Variants in SLC36A1 observed in about 807,000 individuals in gnomAD.
SLC36A1 encodes proton-coupled amino acid transporter 1.
In SLC36A1, 30 loss-of-function variants were observed where a neutral mutation model predicts 47.5. That is an observed-to-expected ratio of 0.63 (90% CI 0.47 to 0.86). The LOEUF (loss-of-function observed/expected upper bound fraction) is 0.86, where lower values mean the gene tolerates loss of function less well. Ranked by LOEUF, SLC36A1 falls within the 40% of genes least tolerant of loss-of-function variation. The pLI is 0.00. For synonymous variants in SLC36A1, 255 were observed against 249.7 expected (o/e 1.02, Z -0.20); for missense variants, 517 against 606.0 (o/e 0.85, Z 1.54).
chr5:151,542,243 C>T, the SLC36A1 span: 4 of 1,520,664 alleles, frequency 2.6e-6, no homozygotes, highest in Admixed American at 2.1e-5. Context: ...GGATGTTTTT[C>T]GATACATTCC....
the SLC36A1 span, among the ~76,000 whole-genome samples, chr5:151,548,948 C>T: frequency 3.3e-5 from 5 of 152,186 alleles, no homozygotes; most frequent in Non-Finnish European, 7.3e-5. Context: ...CTATGCCATA[C>T]ACTTCATAAA....
chr5:151,537,860 G>A, the SLC36A1 span: 14 of 1,614,048 alleles, frequency 8.7e-6, no homozygotes, highest in Non-Finnish European at 1.2e-5. Flanking sequence ...TCTGAGCATT[G>A]GTATCAGTGT....
chr5:151,376,464 G>A, the SLC36A1 span, among the ~76,000 whole-genome samples: 4 of 151,818 alleles, frequency 2.6e-5, no homozygotes, highest in African/African-American at 7.2e-5. Context: ...GTTAGCTTTG[G>A]GTTGGGTTTG....
At chr5:151,537,454 GGAGGGAAGGA>G in the SLC36A1 span, among the ~76,000 whole-genome samples, 1 of 147,238 alleles carries the variant, frequency 6.8e-6, no homozygotes, top group African/African-American at 2.5e-5. Flanking sequence ...GGAGGGGAGG[GGAGGGAAGGA>G]AAGGAGAAAC....
chr5:151,420,891 G>A, the SLC36A1 span, among the ~76,000 whole-genome samples: 1 of 95,848 alleles, frequency 1.0e-5, no homozygotes, highest in Admixed American at 1.0e-4. Context: ...TTTTTTTTTT[G>A]ACAGAGTCTC....
the SLC36A1 span, among the ~76,000 whole-genome samples, chr5:151,374,929 G>A: frequency 7.0e-6 from 1 of 142,240 alleles, no homozygotes; most frequent in African/African-American, 2.6e-5. Flanking sequence ...TTTTTGAGTT[G>A]TTTCAATTCC....
the SLC36A1 span, among the ~76,000 whole-genome samples, chr5:151,412,337 A>T: frequency 8.3e-5 from 12 of 144,724 alleles, 1 homozygote; most frequent in Admixed American, 2.7e-4. Context: ...TTATGCAGAA[A>T]TTTTCTGTGT....
chr5:151,402,948 A>C, the SLC36A1 span, among the ~76,000 whole-genome samples: 1 of 152,132 alleles, frequency 6.6e-6, no homozygotes, highest in Non-Finnish European at 1.5e-5. Flanking sequence ...ATCCTTTCAA[A>C]AAATCAACTT....
the SLC36A1 span, among the ~76,000 whole-genome samples, chr5:151,515,628 T>C: frequency 1.3e-5 from 2 of 152,220 alleles, no homozygotes; most frequent in Non-Finnish European, 2.9e-5. Context: ...ACTACTTGCC[T>C]TCTCTCCCAC....
At chr5:151,546,220 C>T in the SLC36A1 span, 2 of 1,614,112 alleles carry the variant, frequency 1.2e-6, no homozygotes, top group South Asian at 1.1e-5. Context: ...TTGTGGGGAG[C>T]CTTGATCTTC....
chr5:151,516,792 T>C, the SLC36A1 span, among the ~76,000 whole-genome samples: 1 of 152,150 alleles, frequency 6.6e-6, no homozygotes, highest in African/African-American at 2.4e-5. Context: ...GTGGCCAAAG[T>C]TGGCTTTCTC....
At chr5:151,525,807 T>C in the SLC36A1 span, 1 of 1,614,132 alleles carries the variant, frequency 6.2e-7, no homozygotes, top group Non-Finnish European at 8.5e-7. Flanking sequence ...CCCTCCTGCT[T>C]AGGCCCTCAG....
the SLC36A1 span, among the ~76,000 whole-genome samples, chr5:151,508,362 C>T: frequency 1.8e-4 from 28 of 152,198 alleles, no homozygotes; most frequent in Non-Finnish European, 3.2e-4. Flanking sequence ...ATCTCGTGAA[C>T]GAATAGCATT....
intron 10 of SLC36A1, among the ~76,000 whole-genome samples, chr5:151,485,751 G>A (rs894844085): frequency 6.6e-6 from 1 of 152,334 alleles, no homozygotes; most frequent in Middle Eastern, 3.4e-3. Flanking sequence ...TGAGTGCTTA[G>A]CAGTGCTCTC....
At chr5:151,436,937 G>C (rs952401977), upstream of SLC36A1, 3 of 152,042 alleles carry the variant, frequency 2.0e-5, no homozygotes, top group African/African-American at 7.3e-5. Flanking sequence ...TTTTTCAGTG[G>C]CAATGGGTGG....
chr5:151,499,650 T>G, the SLC36A1 span, among the ~76,000 whole-genome samples: 1 of 152,206 alleles, frequency 6.6e-6, no homozygotes, highest in South Asian at 2.1e-4. Flanking sequence ...AGATCCCATG[T>G]GCCTCCCTCC....
the SLC36A1 span, chr5:151,554,741 C>G: frequency 2.4e-5 from 29 of 1,199,408 alleles, no homozygotes; most frequent in Non-Finnish European, 3.5e-5. Context: ...CTTTAACAAC[C>G]TGGAAATAGT....
chr5:151,508,244 G>A, the SLC36A1 span, among the ~76,000 whole-genome samples: 3 of 152,322 alleles, frequency 2.0e-5, no homozygotes, highest in African/African-American at 4.8e-5. Flanking sequence ...CTCAGTGCCC[G>A]AAATGTCACT....
chr5:151,537,269 G>C, the SLC36A1 span, among the ~76,000 whole-genome samples: 4 of 149,682 alleles, frequency 2.7e-5, no homozygotes, highest in Admixed American at 2.0e-4. Context: ...AGAAGACGAT[G>C]GTGGTGGTGG....
Sources: allele counts gnomAD v4.1 joint callset (sites outside exome capture counted in the v4.1 genomes callset), GRCh38; gene constraint gnomAD v4.1.1; transcripts MANE v1.5; gene names NCBI Gene and HGNC (gene_info 2026-07-23, HGNC 2026-07-21).